PRAG1: variants seen among roughly 807,000 people sequenced by gnomAD.
PRAG1 encodes the protein inactive tyrosine-protein kinase PRAG1.
A neutral mutation model predicts 95.6 loss-of-function variants in PRAG1; 110 were observed. The observed-to-expected ratio is 1.15, with a 90% CI of 0.99 to 1.35. PRAG1 has a LOEUF of 1.35. Among genes scored for constraint, PRAG1 ranks in the 40% most tolerant of loss-of-function variants. PRAG1 has a pLI of 0.00. For synonymous variants in PRAG1, 1,052 were observed against 819.4 expected (o/e 1.28, Z -4.85); for missense variants, 2,554 against 1,864.7 (o/e 1.37, Z -6.81).
At chr8:8,332,302 C>T (rs1798845190) in intron 4 of PRAG1, among the ~76,000 whole-genome samples, 1 of 151,142 alleles carries the variant, frequency 6.6e-6, no homozygotes, top group African/African-American at 2.5e-5. Flanking sequence ...GCTGGGATTA[C>T]AAGCACCCAC....
At position 8,328,041 on chromosome 8, in the gene PRAG1, C is replaced by T. The variant is rs200624656; in HGVS notation, c.2741G>A (p.Gly914Glu). Residue 914 changes from glycine to glutamate, a missense_variant, in exon 5 of 6, where the codon GGG becomes GAG. Coordinates refer to ENST00000615670, the MANE Select transcript of PRAG1 (RefSeq NM_001080826.3). ...GCGSPGLQCK[G>E]APSASSSQLS... ...CTGGGAGGATGAGGCGGAGGGGGCC[C>T]CTTTGCACTGGAGGCCAGGGCTCCC... 2.5e-6 allele frequency: 4 copies of T among 1,588,482 alleles called. No homozygotes were observed. The African/African-American group carries it at 4.0e-5, about 16-fold the overall frequency.
At chr8:8,329,546 A>G (rs1798754270) in intron 4 of PRAG1, among the ~76,000 whole-genome samples, 1 of 152,174 alleles carries the variant, frequency 6.6e-6, no homozygotes, top group African/African-American at 2.4e-5. Flanking sequence ...AAAACAACAA[A>G]AAAAAGCAGA....
intron 3 of PRAG1, 132 bp from the exon 4 acceptor site, chr8:8,339,767 AAG>A: frequency 1.2e-6 from 1 of 859,534 alleles, no homozygotes; most frequent in East Asian, 2.7e-5. Context: ...AGAAAAAAAA[AAG>A]ATTTTGGGGA....
intron 3 of PRAG1, among the ~76,000 whole-genome samples, chr8:8,348,832 C>T (rs1799428341): frequency 6.6e-6 from 1 of 152,136 alleles, no homozygotes; most frequent in South Asian, 2.1e-4. Context: ...GTGAAATAGG[C>T]TTGTAACCGT....
At chr8:8,369,699 T>A (rs984571663) in intron 3 of PRAG1, among the ~76,000 whole-genome samples, 1 of 29,828 alleles carries the variant, frequency 3.4e-5, no homozygotes, top group African/African-American at 2.9e-4. Flanking sequence ...AAAAATAAAC[T>A]TTTTTTTTTT....
At chr8:8,340,210 A>G (rs1293477454) in intron 3 of PRAG1, among the ~76,000 whole-genome samples, 1 of 152,258 alleles carries the variant, frequency 6.6e-6, no homozygotes, top group Admixed American at 6.5e-5. Flanking sequence ...AAACAAATTG[A>G]CATAACCCTT....
rs528399783 is a variant in PRAG1, at chr8:8,318,834, A to C, written c.3541T>G (p.Cys1181Gly). The change falls in exon 6 of 6, where the codon TGC becomes GGC. Residue 1181 changes from cysteine (C) to glycine (G), a missense_variant. Cys to Gly is a radical substitution (Grantham distance 159). Coordinates refer to ENST00000615670, the MANE Select transcript of PRAG1 (RefSeq NM_001080826.3). The surrounding 1 kb of genome is among the most constrained non-coding windows in gnomAD (Gnocchi z 4.2). Reference sequence around the variant, plus strand: ...CCAGCAGGCGGGGCGGCAGAGGAGCAGGGAGGCGCGGCGGCGGCGGGGGCG... The same window carrying C: ...CCAGCAGGCGGGGCGGCAGAGGAGCCGGGAGGCGCGGCGGCGGCGGGGGCG... ...APAPAAAAPPCSSAAPPAGGT... is the reference protein window; with the variant it reads ...APAPAAAAPPGSSAAPPAGGT... The C allele has an allele frequency of 8.6e-7, 1 of 1,165,218 alleles. No individual in the cohort carries two copies. The highest frequency in any genetic ancestry group is 2.3e-5 in the African/African-American group (1 of 44,056). 72.2% of individuals were successfully genotyped at this position (1,165,218 alleles called of 1,614,324 possible).
At chr8:8,360,063 C>G (rs1356810723) in intron 3 of PRAG1, among the ~76,000 whole-genome samples, 1 of 152,010 alleles carries the variant, frequency 6.6e-6, no homozygotes. Context: ...GCTCCTGAGT[C>G]AATCAAAAAG....
chr8:8,379,461 G>A (rs1181708747), intron 2 of PRAG1, among the ~76,000 whole-genome samples: 2 of 152,182 alleles, frequency 1.3e-5, no homozygotes, highest in South Asian at 2.1e-4. Flanking sequence ...GGTTGGTGAA[G>A]GTTGAAGGTA....
At chr8:8,367,882 C>T (rs1329015784) in intron 3 of PRAG1, among the ~76,000 whole-genome samples, 1 of 152,126 alleles carries the variant, frequency 6.6e-6, no homozygotes, top group South Asian at 2.1e-4. Context: ...ACCTCGTGAT[C>T]CACCTGCCTC....
chr8:8,373,717 T>A (rs1800289680), intron 3 of PRAG1, among the ~76,000 whole-genome samples: 1 of 152,214 alleles, frequency 6.6e-6, no homozygotes, highest in African/African-American at 2.4e-5. Context: ...CCTCCCAAAG[T>A]GCTATGATTA....
At position 8,381,579 on chromosome 8, in the gene PRAG1, G is replaced by A. The variant is rs1482621746; in HGVS notation, c.169C>T (p.Pro57Ser). The change falls in exon 2 of 6, where the codon CCA (proline) becomes TCA (serine). Residue 57 changes from proline (P) to serine (S), a missense_variant. By Grantham distance (74) the Pro-to-Ser change is moderately conservative. Coordinates refer to ENST00000615670, the MANE Select transcript of PRAG1 (RefSeq NM_001080826.3). Reference sequence around the variant, plus strand: ...TCAGGCCTGGGAGGCAGGCGCGGTGGAGGGGGCAGGCTGCCCGCTCTGGGC... The same window carrying A: ...TCAGGCCTGGGAGGCAGGCGCGGTGAAGGGGGCAGGCTGCCCGCTCTGGGC... ...PQPRAGSLPP[P>S]PRLPPRPENC... The A allele has an allele frequency of 3.1e-6, 5 of 1,614,056 alleles. No homozygotes were observed. The highest frequency in any genetic ancestry group is 4.2e-6 in the Non-Finnish European group (5 of 1,180,016).
At chr8:8,360,848 T>C (rs1167800755) in intron 3 of PRAG1, among the ~76,000 whole-genome samples, 1 of 152,226 alleles carries the variant, frequency 6.6e-6, no homozygotes, top group Non-Finnish European at 1.5e-5. Flanking sequence ...AAATCTTTCA[T>C]ATTATCTCAG....
Position 8,339,582 on chromosome 8 carries a change from C to G in PRAG1, c.2216G>C (p.Gly739Ala). The G allele has an allele frequency of 6.2e-7, 1 of 1,614,028 alleles. No individual in the cohort carries two copies. The highest frequency in any genetic ancestry group is 8.5e-7 in the Non-Finnish European group (1 of 1,179,948). ...GGATGGGCTGAGGCTTTCTGCAGAG[C>G]CCTGGCTCACTTTTTCCAAATCAGA... is the stretch of plus-strand genomic sequence containing the variant. Reference protein sequence around the residue: ...SSSDLEKVSQGSAESLSPSFR... With the variant: ...SSSDLEKVSQASAESLSPSFR... The change falls in exon 4 of 6, where the codon GGC becomes GCC. Residue 739 changes from glycine (G) to alanine (A), a missense_variant. Physicochemically the swap from Gly to Ala is moderately conservative, Grantham distance 60. Coordinates refer to ENST00000615670, the MANE Select transcript of PRAG1 (RefSeq NM_001080826.3).
intron 4 of PRAG1, among the ~76,000 whole-genome samples, chr8:8,330,145 C>T (rs1267696805): frequency 6.6e-6 from 1 of 152,154 alleles, no homozygotes; most frequent in African/African-American, 2.4e-5. Context: ...GCGGGAGGAT[C>T]ACTTGAGCTC....
intron 3 of PRAG1, among the ~76,000 whole-genome samples, chr8:8,353,201 T>C (rs1274735852): frequency 6.6e-6 from 1 of 152,198 alleles, no homozygotes; most frequent in Non-Finnish European, 1.5e-5. Context: ...GGAATTAAGC[T>C]TTAGACCAAA....
At chr8:8,350,587 C>T (rs138923477) in intron 3 of PRAG1, among the ~76,000 whole-genome samples, 1 of 152,344 alleles carries the variant, frequency 6.6e-6, no homozygotes, top group East Asian at 1.9e-4. Flanking sequence ...TCAGGAGCTA[C>T]TGGGAAGAAC....
rs751229019 is a variant in PRAG1, at chr8:8,339,555, A to C, written c.2243T>G (p.Phe748Cys). ...QGSAESLSPSFRGVHVSFTTG... is the reference protein window; with the variant it reads ...QGSAESLSPSCRGVHVSFTTG... ...GGTGAAGCTGACGTGGACACCCCTG[A>C]AGGATGGGCTGAGGCTTTCTGCAGA... is the stretch of plus-strand genomic sequence containing the variant. Residue 748 changes from phenylalanine (F) to cysteine (C), a missense_variant, in exon 4 of 6, where the codon TTC (phenylalanine) becomes TGC (cysteine). Coordinates refer to ENST00000615670, the MANE Select transcript of PRAG1 (RefSeq NM_001080826.3). 2 of 1,614,050 alleles carry C rather than the reference A, an allele frequency of 1.2e-6. No individual in the cohort carries two copies. The highest frequency in any genetic ancestry group is 2.2e-5 in the East Asian group (1 of 44,892).
rs1173692292 is a variant in PRAG1 at position 8,376,678 on chromosome 8, G to A, written c.1731C>T (p.Ser577=). The A allele has an allele frequency of 4.3e-6, 7 of 1,611,520 alleles. No individual in the cohort carries two copies. Among genetic ancestry groups the A allele is most frequent in the Non-Finnish European group, 5.9e-6 (7 of 1,179,794 alleles). ...VSPLADLSDG[S]SGGSSIGPQP... is the part of the protein sequence containing the mutation. The stretch of plus-strand genomic sequence containing the variant: ...GGGGCCCAATGCTGCTGCCGCCAGA[G>A]CTCCCATCACTAAGGTCAGCCAGCG... Residue 577 remains serine, a synonymous_variant, in exon 3 of 6, where the codon AGC becomes AGT. Coordinates refer to ENST00000615670, the MANE Select transcript of PRAG1 (RefSeq NM_001080826.3).
Sources: allele counts gnomAD v4.1 joint callset (sites outside exome capture counted in the v4.1 genomes callset), GRCh38; gene constraint gnomAD v4.1.1; non-coding constraint Gnocchi (gnomAD v3.1); transcripts MANE v1.5; gene names NCBI Gene and HGNC (gene_info 2026-07-23, HGNC 2026-07-21).